UNC45B: variants seen among roughly 807,000 people sequenced by gnomAD.
UNC45B encodes the protein unc-45 myosin chaperone B, also known as protein unc-45 homolog B.
A neutral mutation model predicts 98.7 loss-of-function variants in UNC45B; 78 were observed. The observed-to-expected ratio is 0.79, with a 90% CI of 0.66 to 0.95. The LOEUF is 0.95. UNC45B is among the 40% of genes least tolerant of loss of function. UNC45B has a pLI of 0.00. For missense variants in UNC45B, 1,225 were observed against 1,184.9 expected, an observed-to-expected ratio of 1.03 and a Z score of -0.50; for synonymous variants, 462 against 480.4, an observed-to-expected ratio of 0.96 and a Z score of 0.50.
At chr17:35,153,710 G>A (rs1429597782) in intron 5 of UNC45B, among the ~76,000 whole-genome samples, 2 of 149,568 alleles carry the variant, frequency 1.3e-5, no homozygotes, top group East Asian at 3.9e-4. Flanking sequence ...TTGTTTATTT[G>A]GTTTTTTTTT....
Position 35,165,192 on chromosome 17 carries a change from T to C in UNC45B, c.1151+1026T>C, listed in dbSNP as rs573518782. Reference sequence around the variant, plus strand: ...GACATATTTTATACCTACCACTGGCTTCTGTGGTTGAAAGGAACACATGTC... The same window carrying C: ...GACATATTTTATACCTACCACTGGCCTCTGTGGTTGAAAGGAACACATGTC... On this transcript the variant is annotated intron_variant, in intron 9 of 19. Transcript: ENST00000394570. 2.0e-5 allele frequency among the ~76,000 whole-genome samples: 3 copies of C among 152,292 alleles called. No individual in the cohort carries two copies. In the East Asian group the frequency reaches 5.8e-4, roughly 29 times the overall value.
chr17:35,180,286 G>GAGAT (rs943283439), intron 17 of UNC45B, among the ~76,000 whole-genome samples: 1 of 147,142 alleles, frequency 6.8e-6, no homozygotes, highest in African/African-American at 2.5e-5. Flanking sequence ...GAGAGAGAGA[G>GAGAT]AGAATTTCTT....
intron 1 of UNC45B, 112 bp downstream of exon 1, chr17:35,148,022 G>T (rs2091986102): frequency 1.9e-6 from 1 of 531,900 alleles, no homozygotes; most frequent in Non-Finnish European, 3.4e-6. Flanking sequence ...CGCCTGCTCA[G>T]GCTGGGAGGG....
Position 35,164,198 on chromosome 17 carries a change from C to T in UNC45B, c.1151+32C>T, listed in dbSNP as rs762669576. On this transcript the variant is annotated intron_variant, in intron 9 of 19. Transcript: ENST00000394570. ...TTCCTGGAGGCCTCACAGGGTCAGG[C>T]TCTGTCTTGGTTATCTATGGCTGTG... is the stretch of plus-strand genomic sequence containing the variant. 6 of 1,584,504 alleles carry T rather than the reference C, an allele frequency of 3.8e-6. No individual in the cohort carries two copies. The African/African-American group carries it at 6.8e-5, about 18-fold the overall frequency.
Position 35,171,398 on chromosome 17 carries a change from T to C in UNC45B, c.1766T>C (p.Val589Ala). 1 of 1,614,030 alleles carries C rather than the reference T, an allele frequency of 6.2e-7. No homozygotes were observed. Among genetic ancestry groups the C allele is most frequent in the Non-Finnish European group, 8.5e-7 (1 of 1,180,016 alleles). ...NCTNSYDVKE[V>A]IPELVQLAKF... ...ACCAACAGCTACGATGTCAAGGAGG[T>C]CATCCCAGAGCTTGTCCAGCTCGCC... The change falls in exon 13 of 20, where the codon GTC becomes GCC. Residue 589 changes from valine (V) to alanine (A), a missense_variant. Physicochemically the swap from Val to Ala is moderately conservative, Grantham distance 64. Coordinates refer to ENST00000394570, the MANE Select transcript of UNC45B (RefSeq NM_001267052.2).
Position 35,177,073 on chromosome 17 carries a change from C to T in UNC45B, c.2082C>T (p.His694=), listed in dbSNP as rs778530797. The T allele has an allele frequency of 7.4e-6, 12 of 1,614,078 alleles. No individual in the cohort carries two copies. Among genetic ancestry groups the T allele is most frequent in the African/African-American group, 2.7e-5 (2 of 74,928 alleles). Residue 694 remains histidine (H), a synonymous_variant, in exon 16 of 20, where the codon CAC becomes CAT. Coordinates refer to ENST00000394570, the MANE Select transcript of UNC45B (RefSeq NM_001267052.2). The part of the protein sequence containing the change: ...GTDVGKVKAA[H]ALAKIAAVSN... ...ATGTGGGCAAGGTGAAGGCAGCCCA[C>T]GCTCTAGCAAAGATCGCTGCTGTCT...
At chr17:35,166,299 C>G (rs1395873830) in intron 9 of UNC45B, among the ~76,000 whole-genome samples, 1 of 151,830 alleles carries the variant, frequency 6.6e-6, no homozygotes, top group African/African-American at 2.4e-5. Context: ...AAGCTATTCT[C>G]AACTCCCTGG....
At chr17:35,183,712 T>G in intron 19 of UNC45B, 130 bp downstream of exon 19, 2 of 1,025,728 alleles carry the variant, frequency 1.9e-6, no homozygotes, top group Non-Finnish European at 2.6e-6. Context: ...CAGGCTTCTG[T>G]TCCTACTGCC....
rs35749208 is a variant in UNC45B at position 35,154,698 on chromosome 17, C to T, written c.596C>T (p.Ala199Val). The part of the protein sequence containing the change: ...DTKKPELVLA[A>V]VRTLSGMCSG... The stretch of plus-strand genomic sequence containing the variant: ...AAGAAGCCTGAGCTGGTGCTGGCTG[C>T]AGTGCGGACCCTGTCGGGCATGTGC... Residue 199 changes from alanine (A) to valine (V), a missense_variant, in exon 6 of 20, where the codon GCA (alanine) becomes GTA (valine). Transcript: ENST00000394570. 2.5e-3 allele frequency: 3,987 copies of T among 1,608,202 alleles called. 98 individuals are homozygous for T. In the African/African-American group the frequency reaches 0.048, roughly 19 times the overall value.
intron 4 of UNC45B, among the ~76,000 whole-genome samples, chr17:35,151,584 C>T (rs1264035477): frequency 6.6e-6 from 1 of 152,140 alleles, no homozygotes; most frequent in Non-Finnish European, 1.5e-5. Flanking sequence ...TTTTGTGGGG[C>T]ATCTCTTGGG....
intron 17 of UNC45B, among the ~76,000 whole-genome samples, chr17:35,180,129 G>A (rs1368206489): frequency 2.0e-5 from 3 of 152,066 alleles, no homozygotes; most frequent in African/African-American, 7.2e-5. Context: ...GCTGCCTTAG[G>A]TTCCTGTTCT....
chr17:35,183,395 T>C, intron 18 of UNC45B, 32 bp from the exon 19 acceptor site: 1 of 1,496,708 alleles, frequency 6.7e-7, no homozygotes, highest in African/African-American at 1.4e-5. Flanking sequence ...TTGGGGACAG[T>C]TTTCTCTGAG....
chr17:35,166,172 G>A (rs963499138), intron 9 of UNC45B, among the ~76,000 whole-genome samples: 1 of 150,950 alleles, frequency 6.6e-6, no homozygotes. Context: ...GGAAGCTGAG[G>A]TAGGAGGATC....
intron 6 of UNC45B, 72 bp from the exon 7 acceptor site, chr17:35,155,224 C>T: frequency 1.3e-6 from 2 of 1,557,334 alleles, no homozygotes; most frequent in African/African-American, 1.3e-5. Context: ...GATTATCACA[C>T]CCTCTCTAAC....
chr17:35,154,549 C>T (rs756370436), intron 5 of UNC45B, 25 bp from the exon 6 acceptor site: 32 of 1,608,070 alleles, frequency 2.0e-5, no homozygotes, highest in Non-Finnish European at 2.7e-5. Flanking sequence ...TCCCTCGTAA[C>T]CCTTATTGCC....
intron 7 of UNC45B, among the ~76,000 whole-genome samples, chr17:35,157,251 A>G (rs1049177976): frequency 6.6e-6 from 1 of 151,752 alleles, no homozygotes; most frequent in Admixed American, 6.6e-5. Context: ...TTATTTATTT[A>G]TTTATTGAGA....
chr17:35,188,156 C>T lies in UNC45B; in HGVS notation c.*1597C>T, dbSNP rs1732959512. On this transcript the variant is annotated 3_prime_UTR_variant, in exon 20 of 20. Coordinates refer to ENST00000394570, the MANE Select transcript of UNC45B (RefSeq NM_001267052.2). ...TACATACAGCCTACATTTTAACTAA[C>T]TCTTGCATGGGCTTGTTTCACAGCA... The T allele has an allele frequency of 6.6e-6, 1 of 152,218 alleles. No individual in the cohort carries two copies. Among genetic ancestry groups the T allele is most frequent in the South Asian group, 2.1e-4 (1 of 4,834 alleles). 9.4% of individuals were successfully genotyped at this position (152,218 alleles called of 1,614,324 possible).
chr17:35,153,361 C>T (rs1489437227), intron 5 of UNC45B, among the ~76,000 whole-genome samples: 5 of 152,096 alleles, frequency 3.3e-5, no homozygotes, highest in African/African-American at 7.2e-5. Flanking sequence ...ACTATAATTT[C>T]GGCCCTAAGA....
In UNC45B at chr17:35,148,986, A is replaced by G. The variant is rs939080098; in HGVS notation, c.182A>G (p.Gln61Arg). The G allele has an allele frequency of 1.2e-6, 2 of 1,614,112 alleles. No homozygotes were observed. The highest frequency in any genetic ancestry group is 1.3e-5 in the African/African-American group (1 of 75,022). ...CCCTTTCCTCAGGAGAGCTACGTCCAGGCAGCTTCAGATGCCTCCAGAGGT... is the reference window on the plus strand; with the variant it reads ...CCCTTTCCTCAGGAGAGCTACGTCCGGGCAGCTTCAGATGCCTCCAGAGGT... ...ACGLKTESYV[Q>R]AASDASRAID... The change falls in exon 3 of 20, where the codon CAG (glutamine) becomes CGG (arginine). Residue 61 changes from glutamine (Q) to arginine (R), a missense_variant. Physicochemically the swap from Gln to Arg is conservative, Grantham distance 43. Transcript: ENST00000394570.
Sources: allele counts gnomAD v4.1 joint callset (sites outside exome capture counted in the v4.1 genomes callset), GRCh38; gene constraint gnomAD v4.1.1; transcripts MANE v1.5; gene names NCBI Gene and HGNC (gene_info 2026-07-23, HGNC 2026-07-21).